The following SART3 variants were observed in gnomAD, a reference collection of about 807,000 sequenced individuals.
SART3 encodes HIV-1 Tat-interacting protein of 110kDa.
In SART3, 44 loss-of-function variants were observed where a neutral mutation model predicts 122.3. That is an observed-to-expected ratio of 0.36 (90% CI 0.28 to 0.46). SART3 has a LOEUF of 0.46. SART3 is among the 20% of genes least tolerant of loss of function. SART3 has a pLI of 1.00. For missense variants in SART3, 1,101 were observed against 1,229.0 expected, an observed-to-expected ratio of 0.90 and a Z score of 1.56; for synonymous variants, 442 against 454.0, an observed-to-expected ratio of 0.97 and a Z score of 0.34.
intron 1 of SART3, among the ~76,000 whole-genome samples, chr12:108,557,587 A>C (rs1046665719): frequency 1.6e-4 from 25 of 152,186 alleles, no homozygotes; most frequent in African/African-American, 6.0e-4. Flanking sequence ...ACATTGTGCC[A>C]TGCCCCACAA....
chr12:108,554,854 A>G (rs1231942135), intron 1 of SART3, among the ~76,000 whole-genome samples: 1 of 152,110 alleles, frequency 6.6e-6, no homozygotes, highest in African/African-American at 2.4e-5. Flanking sequence ...TGGTCAGATG[A>G]TATCAATGTA....
Position 108,542,070 on chromosome 12 carries a change from C to T in SART3, c.906+958G>A, listed in dbSNP as rs79074722. ...GCTACGCTGCCAGGCTGATCTCAAACTCCTGGGCTCCAGCAATCCTCCCGC... is the reference window on the plus strand; with the variant it reads ...GCTACGCTGCCAGGCTGATCTCAAATTCCTGGGCTCCAGCAATCCTCCCGC... On this transcript the variant is annotated intron_variant, in intron 6 of 18. Transcript: ENST00000546815. 8.2e-5 allele frequency among the ~76,000 whole-genome samples: 11 copies of T among 133,984 alleles called. No individual in the cohort carries two copies. The East Asian group carries it at 2.6e-3, about 32-fold the overall frequency. 87.9% of individuals were successfully genotyped at this position (133,984 alleles called of 152,430 possible). A position where few individuals can be genotyped will look rare whatever the true frequency, so the allele number is the denominator to read the frequency against.
rs1447935411 is a variant in SART3, at chr12:108,526,329, T to A, written c.2140A>T (p.Ser714Cys). The A allele has an allele frequency of 8.7e-6, 14 of 1,614,024 alleles. No individual in the cohort carries two copies. The highest frequency in any genetic ancestry group is 1.2e-5 in the Non-Finnish European group (14 of 1,179,978). Reference protein sequence around the residue: ...ITVFVSNLPYSMQEPDTKLRP... With the variant: ...ITVFVSNLPYCMQEPDTKLRP... Reference sequence around the variant, plus strand: ...AGCTTCGTGTCCGGCTCCTGCATGCTGTAGGGCAGGTTGCTGACAAAGACG... The same window carrying A: ...AGCTTCGTGTCCGGCTCCTGCATGCAGTAGGGCAGGTTGCTGACAAAGACG... The change falls in exon 16 of 19, where the codon AGC becomes TGC. Residue 714 changes from serine to cysteine, a missense_variant. Physicochemically the swap from Ser to Cys is moderately radical, Grantham distance 112 (BLOSUM62 -1). This residue lies in a region of SART3 where 885 missense variants were observed against 1,080.1 expected (regional missense o/e 0.82). Transcript: ENST00000546815.
intron 9 of SART3, 120 bp from the exon 10 acceptor site, chr12:108,536,905 CAG>C (rs1872932378): frequency 2.2e-6 from 2 of 908,342 alleles, no homozygotes; most frequent in Non-Finnish European, 3.5e-6. Context: ...GCAAGGGACA[CAG>C]AAATAAAATT....
chr12:108,525,434 G>C, intron 17 of SART3, 23 bp downstream of exon 17: 1 of 1,613,826 alleles, frequency 6.2e-7, no homozygotes, highest in Non-Finnish European at 8.5e-7. Context: ...TGAAGACAAG[G>C]CACAATCTGC....
intron 6 of SART3, among the ~76,000 whole-genome samples, chr12:108,541,224 T>C (rs904356706): frequency 2.0e-5 from 3 of 151,932 alleles, no homozygotes; most frequent in Non-Finnish European, 2.9e-5. Context: ...CTGGCCAACA[T>C]GGCGAAACCC....
At chr12:108,552,542 C>CAAAAAAAAAA (rs202116633) in intron 1 of SART3, among the ~76,000 whole-genome samples, 1 of 130,822 alleles carries the variant, frequency 7.6e-6, no homozygotes, top group Non-Finnish European at 1.7e-5. Context: ...CATACAAAAA[C>CAAAAAAAAAA]AAAAAAAAAA....
intron 1 of SART3, among the ~76,000 whole-genome samples, chr12:108,557,990 C>A (rs765998361): frequency 2.6e-5 from 4 of 151,992 alleles, no homozygotes; most frequent in Non-Finnish European, 5.9e-5. Flanking sequence ...ATAGTAAGAA[C>A]CCATCTCTAC....
chr12:108,537,843 A>C, intron 8 of SART3: 1 of 688,894 alleles, frequency 1.5e-6, no homozygotes, highest in Non-Finnish European at 2.4e-6. Context: ...TTTGGAGAAA[A>C]CACTACAACT....
rs948492907 is a variant in SART3, at chr12:108,539,006, C to T, written c.990G>A (p.Gln330=). Residue 330 remains glutamine (Q), a synonymous_variant, in exon 7 of 19, where the codon CAG becomes CAA. Coordinates refer to ENST00000546815, the MANE Select transcript of SART3 (RefSeq NM_014706.4). The stretch of plus-strand genomic sequence containing the variant: ...CGACCAGGGCGCGCTCAAAGATCAA[C>T]TGAATGCGAGCAGGATCGCCAATTT... ...EMKIGDPARI[Q]LIFERALVEN... The T allele has an allele frequency of 5.6e-6, 9 of 1,614,212 alleles. No homozygotes were observed. The highest frequency in any genetic ancestry group is 7.6e-6 in the Non-Finnish European group (9 of 1,180,042).
chr12:108,556,759 T>C (rs534236674), intron 1 of SART3, among the ~76,000 whole-genome samples: 25 of 152,364 alleles, frequency 1.6e-4, no homozygotes, highest in Admixed American at 5.9e-4. Flanking sequence ...CAGTTTGGGA[T>C]GTTTGAGAAG....
At chr12:108,524,148 C>G (rs530339438) in intron 18 of SART3, 168 bp downstream of exon 18, 2 of 706,150 alleles carry the variant, frequency 2.8e-6, no homozygotes, top group South Asian at 3.2e-5. Flanking sequence ...GCATCCTGCT[C>G]TGGACGCCTT....
In SART3 at chr12:108,550,084, T is replaced by C. The variant is rs140182441; in HGVS notation, c.313-870A>G. On this transcript the variant is annotated intron_variant, in intron 1 of 18. Coordinates refer to ENST00000546815, the MANE Select transcript of SART3 (RefSeq NM_014706.4). ...ACAAGAGTGGCAGCAGGTTGGTATC[T>C]GTTGATGCTGAGTGACAGGTACATA... Among the ~76,000 whole-genome samples, 437 of 151,982 alleles carry C rather than the reference T, an allele frequency of 2.9e-3. 1 individual carries two copies. The highest frequency in any genetic ancestry group is 8.5e-3 in the South Asian group (41 of 4,810).
chr12:108,556,133 AC>A (rs2030212049), intron 1 of SART3, among the ~76,000 whole-genome samples: 1 of 151,356 alleles, frequency 6.6e-6, no homozygotes, highest in African/African-American at 2.4e-5. Context: ...TCTCACTCTT[AC>A]CCAGGCTGGA....
intron 8 of SART3, 87 bp downstream of exon 8, chr12:108,537,978 G>T: frequency 1.3e-6 from 2 of 1,554,054 alleles, no homozygotes; most frequent in South Asian, 1.1e-5. Context: ...AAACCCCAGG[G>T]AACACTGATG....
Position 108,536,798 on chromosome 12 carries a change from G to A in SART3, c.1310-13C>T. The A allele has an allele frequency of 6.2e-7, 1 of 1,612,464 alleles. No homozygotes were observed. Among genetic ancestry groups the A allele is most frequent in the Non-Finnish European group, 8.5e-7 (1 of 1,179,028 alleles). ...TCTTTACTGGAGTCTAACGGAAAGTGCAAAAAAAGGCTTTAGGAAACCACA... is the reference window on the plus strand; with the variant it reads ...TCTTTACTGGAGTCTAACGGAAAGTACAAAAAAAGGCTTTAGGAAACCACA... On this transcript the variant is annotated splice_polypyrimidine_tract_variant and intron_variant, in intron 9 of 18. Coordinates refer to ENST00000546815, the MANE Select transcript of SART3 (RefSeq NM_014706.4).
chr12:108,549,687 A>C (rs985680901), intron 1 of SART3, among the ~76,000 whole-genome samples: 5 of 152,192 alleles, frequency 3.3e-5, no homozygotes, highest in Admixed American at 2.6e-4. Flanking sequence ...AGCACATGTG[A>C]GGTACACTGT....
In SART3 at chr12:108,545,144, C is replaced by G. The variant is rs779473146; in HGVS notation, c.724G>C (p.Ala242Pro). Reference protein sequence around the residue: ...REFESAIVEAARLEKVHSLFR... With the variant: ...REFESAIVEAPRLEKVHSLFR... ...AGACAACCACAGGTACTCACCCGAG[C>G]AGCTTCCACAATCGCACTTTCAAAC... Residue 242 changes from alanine to proline, a missense_variant, in exon 4 of 19, where the codon GCT (alanine) becomes CCT (proline). Ala to Pro is a conservative substitution (Grantham distance 27, BLOSUM62 -1). Around this residue, in one of 2 missense-constraint regions of SART3, gnomAD observed 885 missense variants for 1,080.1 expected, o/e 0.82. Transcript: ENST00000546815. 4 of 1,614,058 alleles carry G rather than the reference C, an allele frequency of 2.5e-6. No homozygotes were observed. Among genetic ancestry groups the G allele is most frequent in the Admixed American group, 3.3e-5 (2 of 60,012 alleles).
rs752783080 is a variant in SART3, at chr12:108,524,383, CTTT to C, written c.2644_2646del (p.Lys882del). 342 of 1,614,112 alleles carry C rather than the reference CTTT, an allele frequency of 2.1e-4. No individual in the cohort carries two copies. Among genetic ancestry groups the C allele is most frequent in the Non-Finnish European group, 2.7e-4 (323 of 1,180,026 alleles). On this transcript the variant is annotated inframe_deletion, in exon 18 of 19. Transcript: ENST00000546815. ...TTCCTGGTCTCCGGCTTCTCTGGAA[CTTT>C]CCTCTGAGGAGGGTTGCTGATTGCC...
Sources: gnomAD v4.1 joint callset for allele counts (sites outside exome capture counted in the v4.1 genomes callset) on GRCh38, gnomAD v4.1.1 for gene constraint, gnomAD v4.1.1 regional missense constraint, MANE v1.5 for transcripts, NCBI Gene and HGNC (gene_info 2026-07-23, HGNC 2026-07-21) for gene names.